TENM3: variants seen among roughly 807,000 people sequenced by gnomAD.
The protein encoded by TENM3 is teneurin transmembrane protein 3.
TENM3 carries 63 observed loss-of-function variants against 255.1 expected under a neutral mutation model. The ratio of observed to expected loss-of-function variants is 0.25; its 90% CI spans 0.20 to 0.30. TENM3 has a LOEUF of 0.30. Ranked by LOEUF, TENM3 falls within the 10% of genes least tolerant of loss-of-function variation. The pLI, the probability that TENM3 is intolerant of heterozygous loss-of-function variation, is 1.00. For missense variants in TENM3, 2,929 were observed against 3,461.1 expected, an observed-to-expected ratio of 0.85 and a Z score of 3.86; for synonymous variants, 1,306 against 1,322.3, an observed-to-expected ratio of 0.99 and a Z score of 0.27.
the TENM3 span, among the ~76,000 whole-genome samples, chr4:181,690,386 A>G: frequency 6.6e-6 from 1 of 152,200 alleles, no homozygotes; most frequent in Non-Finnish European, 1.5e-5. Flanking sequence ...GTCACCACCA[A>G]TAACCATTGT....
the TENM3 span, among the ~76,000 whole-genome samples, chr4:181,515,277 T>G: frequency 6.6e-6 from 1 of 152,246 alleles, no homozygotes; most frequent in Non-Finnish European, 1.5e-5. Flanking sequence ...CTCTTTGCTC[T>G]CATCATTGCA....
At chr4:181,641,540 T>C in the TENM3 span, among the ~76,000 whole-genome samples, 1 of 72,390 alleles carries the variant, frequency 1.4e-5, no homozygotes, top group African/African-American at 5.6e-5. Flanking sequence ...TGCATAGTAT[T>C]CCATGGTGTG....
chr4:181,952,171 T>A, the TENM3 span, among the ~76,000 whole-genome samples: 4 of 152,346 alleles, frequency 2.6e-5, no homozygotes, highest in South Asian at 8.3e-4. Context: ...GTTATAAAGC[T>A]ATTTGTGTTG....
At chr4:182,349,944 G>A in intron 3 of TENM3, 1 of 238,656 alleles carries the variant, frequency 4.2e-6, no homozygotes, top group South Asian at 4.5e-5. Flanking sequence ...AGAGCCAGAT[G>A]CTGATGTGTT....
At chr4:181,628,792 G>A in the TENM3 span, among the ~76,000 whole-genome samples, 1 of 152,108 alleles carries the variant, frequency 6.6e-6, no homozygotes, top group Non-Finnish European at 1.5e-5. Flanking sequence ...TGTTCTTTTG[G>A]CTTAGGATTG....
intron 3 of TENM3, among the ~76,000 whole-genome samples, chr4:182,359,082 G>A (rs887366174): frequency 5.9e-5 from 9 of 151,646 alleles, no homozygotes; most frequent in African/African-American, 2.2e-4. Context: ...CTTGATCATG[G>A]TGGATAAGCT....
At chr4:181,981,913 T>G in the TENM3 span, among the ~76,000 whole-genome samples, 1 of 152,234 alleles carries the variant, frequency 6.6e-6, no homozygotes, top group Non-Finnish European at 1.5e-5. Flanking sequence ...CGTCATTAGG[T>G]AGTGAAGTGG....
chr4:181,472,306 T>C, the TENM3 span, among the ~76,000 whole-genome samples: 1 of 152,032 alleles, frequency 6.6e-6, no homozygotes, highest in Non-Finnish European at 1.5e-5. Flanking sequence ...AGTAGGGCAA[T>C]GGTATTATGG....
chr4:182,391,470 C>T (rs968892482), intron 3 of TENM3, among the ~76,000 whole-genome samples: 1 of 152,198 alleles, frequency 6.6e-6, no homozygotes, highest in Non-Finnish European at 1.5e-5. Context: ...ATGACTGGCC[C>T]TGGCTCTAAG....
At chr4:181,538,822 T>C in the TENM3 span, among the ~76,000 whole-genome samples, 1 of 152,222 alleles carries the variant, frequency 6.6e-6, no homozygotes, top group South Asian at 2.1e-4. Context: ...TCTTGATTCT[T>C]GACCTTGAAT....
At chr4:182,640,875 G>C (rs897247444) in intron 5 of TENM3, among the ~76,000 whole-genome samples, 1 of 152,188 alleles carries the variant, frequency 6.6e-6, no homozygotes, top group Admixed American at 6.5e-5. Flanking sequence ...TGGAACGCAG[G>C]CTTCATAAGA....
the TENM3 span, among the ~76,000 whole-genome samples, chr4:181,458,831 C>T: frequency 1.3e-5 from 2 of 151,842 alleles, no homozygotes; most frequent in African/African-American, 4.8e-5. Flanking sequence ...AATCAATTCC[C>T]TTGTTATTTT....
At chr4:182,616,383 G>T (rs542610560) in intron 4 of TENM3, among the ~76,000 whole-genome samples, 1 of 143,412 alleles carries the variant, frequency 7.0e-6, no homozygotes, top group Non-Finnish European at 1.5e-5. Flanking sequence ...GGGGTGGGGG[G>T]AGTGGGGAGG....
At chr4:181,801,651 AATATATATATATAT>A in the TENM3 span, among the ~76,000 whole-genome samples, 624 of 80,924 alleles carry the variant, frequency 7.7e-3, 10 homozygotes, top group African/African-American at 0.021. Flanking sequence ...AGAATTGTAA[AATATATATATATAT>A]ATATATATAT....
the TENM3 span, among the ~76,000 whole-genome samples, chr4:181,610,655 T>A: frequency 6.6e-6 from 1 of 151,926 alleles, no homozygotes; most frequent in Non-Finnish European, 1.5e-5. Flanking sequence ...AAAAATTACC[T>A]CATAAATAAC....
chr4:181,682,077 G>A, the TENM3 span, among the ~76,000 whole-genome samples: 2 of 152,218 alleles, frequency 1.3e-5, no homozygotes, highest in South Asian at 4.1e-4. Context: ...TGCTAAATGC[G>A]AATCATCAGA....
At chr4:182,217,654 A>G (rs904434961) in intron 1 of TENM3, among the ~76,000 whole-genome samples, 1 of 152,166 alleles carries the variant, frequency 6.6e-6, no homozygotes, top group African/African-American at 2.4e-5. Context: ...GAGATATCAA[A>G]TCATGTGCCC....
the TENM3 span, among the ~76,000 whole-genome samples, chr4:181,904,593 G>A: frequency 1.3e-5 from 2 of 152,152 alleles, no homozygotes; most frequent in East Asian, 3.8e-4. Flanking sequence ...GTGACCCCTG[G>A]AAAACTCTCA....
At chr4:182,068,103 T>C in the TENM3 span, among the ~76,000 whole-genome samples, 1 of 152,162 alleles carries the variant, frequency 6.6e-6, no homozygotes, top group Non-Finnish European at 1.5e-5. Flanking sequence ...AGAGTTCCGA[T>C]AGTTCTGTAG....
Sources: allele counts gnomAD v4.1 joint callset (sites outside exome capture counted in the v4.1 genomes callset), GRCh38; gene constraint gnomAD v4.1.1; transcripts MANE v1.5; gene names NCBI Gene and HGNC (gene_info 2026-07-23, HGNC 2026-07-21).